The following TBCE variants were observed in gnomAD, a reference collection of about 807,000 sequenced individuals.
TBCE encodes the protein tubulin-specific chaperone E.
Under a neutral mutation model 77.0 loss-of-function variants are expected in TBCE, and 53 were observed. The observed-to-expected ratio is 0.69, with a 90% confidence interval of 0.55 to 0.87. The LOEUF (loss-of-function observed/expected upper bound fraction) is 0.87. Among genes scored for constraint, TBCE ranks in the 40% least tolerant of loss-of-function variants. The pLI, the probability that TBCE is intolerant of heterozygous loss-of-function variation, is 0.00. For synonymous variants in TBCE, 235 were observed against 241.3 expected (o/e 0.97, Z 0.24); for missense variants, 624 against 622.4 (o/e 1.00, Z -0.03).
At chr1:235,371,266 G>A (rs1676935463) in intron 1 of TBCE, among the ~76,000 whole-genome samples, 1 of 151,262 alleles carries the variant, frequency 6.6e-6, no homozygotes, top group South Asian at 2.1e-4. Context: ...ATGTTGGTCA[G>A]GCTGGTCTTG....
At chr1:235,389,850 G>T (rs369541710) in intron 2 of TBCE, among the ~76,000 whole-genome samples, 1 of 152,112 alleles carries the variant, frequency 6.6e-6, no homozygotes, top group African/African-American at 2.4e-5. Flanking sequence ...CAGACTGGGC[G>T]TGGTGGCTCA....
intron 2 of TBCE, among the ~76,000 whole-genome samples, chr1:235,382,523 G>A (rs960240496): frequency 2.4e-4 from 36 of 152,264 alleles, no homozygotes; most frequent in African/African-American, 8.4e-4. Flanking sequence ...GATGTGAGAT[G>A]GTATCTCATT....
chr1:235,410,170 C>CCGGG (rs1246925237), intron 3 of TBCE, among the ~76,000 whole-genome samples: 5 of 143,528 alleles, frequency 3.5e-5, no homozygotes, highest in African/African-American at 8.9e-5. Context: ...TTGCTTCAAC[C>CCGGG]AGGGAGGCTG....
intron 13 of TBCE, among the ~76,000 whole-genome samples, chr1:235,440,171 C>T (rs982092644): frequency 9.9e-5 from 15 of 152,216 alleles, no homozygotes; most frequent in East Asian, 1.9e-4. Context: ...GGGGTTTCAC[C>T]GTGTTAGCCA....
chr1:235,376,198 A>T (rs1194623118), intron 1 of TBCE, among the ~76,000 whole-genome samples: 1 of 152,190 alleles, frequency 6.6e-6, no homozygotes, highest in Non-Finnish European at 1.5e-5. Flanking sequence ...AAGTAGGATC[A>T]AGCATGTGAA....
rs185410098 is a variant in TBCE at position 235,399,962 on chromosome 1, A to G, written c.101-1541A>G. Among the ~76,000 whole-genome samples, 7 of 152,322 alleles carry G rather than the reference A, an allele frequency of 4.6e-5. No individual in the cohort carries two copies. In the East Asian group the frequency reaches 1.4e-3, roughly 29 times the overall value. ...TGCTGATCGTTGTAGTGTGAGGAAT[A>G]GTGTAGCAGAGGAAAGACATGGTTT... On this transcript the variant is annotated intron_variant, in intron 2 of 16. Coordinates refer to ENST00000642610, the MANE Select transcript of TBCE (RefSeq NM_003193.5).
chr1:235,380,259 C>T, intron 2 of TBCE, 110 bp downstream of exon 2: 1 of 1,083,858 alleles, frequency 9.2e-7, no homozygotes, highest in South Asian at 1.3e-5. Context: ...GCACTTTATA[C>T]CACAAATTTT....
chr1:235,417,305 C>CA (rs752689757), intron 4 of TBCE, among the ~76,000 whole-genome samples: 1 of 152,168 alleles, frequency 6.6e-6, no homozygotes, highest in East Asian at 1.9e-4. Context: ...GGACACAGTG[C>CA]AAACTACAGT....
chr1:235,437,129 A>AAAAAC (rs202162200), intron 11 of TBCE, among the ~76,000 whole-genome samples, 193 bp from the exon 12 acceptor site: 17 of 152,080 alleles, frequency 1.1e-4, no homozygotes, highest in African/African-American at 2.9e-4. Flanking sequence ...CTCCATCTCA[A>AAAAAC]AAAACAAAAC....
At chr1:235,405,011 G>C (rs929102397) in intron 3 of TBCE, among the ~76,000 whole-genome samples, 2 of 148,410 alleles carry the variant, frequency 1.3e-5, no homozygotes, top group African/African-American at 5.0e-5. Flanking sequence ...CACCCACGCT[G>C]GAGTGCAGTG....
chr1:235,433,178 C>T (rs1681206448), intron 7 of TBCE: 1 of 1,320,568 alleles, frequency 7.6e-7, no homozygotes. Context: ...ATGGGTGAGT[C>T]AGATGATTCC....
In TBCE at chr1:235,386,167, A is replaced by G. The variant is rs183429066; in HGVS notation, c.100+6018A>G. On this transcript the variant is annotated intron_variant, in intron 2 of 16. Coordinates refer to ENST00000642610, the MANE Select transcript of TBCE (RefSeq NM_003193.5). ...GCTCCCACTCTCTTCTGGCTTGTAG[A>G]GTTTCTGCCAAGAGATCCGCTGTTA... Among the ~76,000 whole-genome samples, 833 of 152,292 alleles carry G rather than the reference A, an allele frequency of 5.5e-3. 8 individuals carry two copies. The highest frequency in any genetic ancestry group is 0.019 in the African/African-American group (809 of 41,552).
At chr1:235,383,430 A>G (rs1263059561) in intron 2 of TBCE, among the ~76,000 whole-genome samples, 5 of 152,058 alleles carry the variant, frequency 3.3e-5, no homozygotes, top group Admixed American at 1.3e-4. Context: ...TCACGATATT[A>G]ATTCTTCCTA....
rs201999801 is a variant in TBCE, at chr1:235,432,873, ATAT to A, written c.661-1324_661-1322del. The A allele has an allele frequency of 6.8e-3, 3,987 of 582,228 alleles. 155 individuals are homozygous for A. The African/African-American group carries it at 0.074, about 11-fold the overall frequency. The allele number at this position is 582,228 out of a possible 1,614,324, so 36.1% of individuals were successfully genotyped here. A position where few individuals can be genotyped will look rare whatever the true frequency, so the allele number is the denominator to read the frequency against. Reference sequence around the variant, plus strand: ...CCTGTAGATGCTATATATATATTATATATTATTATACATAATTATATAATATAT... The same window carrying A: ...CCTGTAGATGCTATATATATATTATATATTATACATAATTATATAATATAT... On this transcript the variant is annotated intron_variant, in intron 7 of 16. Transcript: ENST00000642610.
intron 1 of TBCE, among the ~76,000 whole-genome samples, chr1:235,375,750 TA>T (rs1438880698): frequency 6.6e-6 from 1 of 151,852 alleles, no homozygotes; most frequent in African/African-American, 2.4e-5. Flanking sequence ...TCATCAAAAA[TA>T]CTGACTTGAG....
intron 2 of TBCE, among the ~76,000 whole-genome samples, chr1:235,382,045 A>G (rs1322150279): frequency 2.1e-5 from 3 of 144,682 alleles, no homozygotes; most frequent in Non-Finnish European, 3.0e-5. Context: ...GTTCCCACCT[A>G]TGAGTGAGAA....
intron 4 of TBCE, chr1:235,415,580 T>C (rs1680063814): frequency 6.6e-6 from 1 of 152,172 alleles, no homozygotes; most frequent in Non-Finnish European, 1.5e-5. Flanking sequence ...TTTCAGTCTC[T>C]AAAAGAATTA....
intron 1 of TBCE, among the ~76,000 whole-genome samples, chr1:235,375,845 C>T (rs1677258973): frequency 6.6e-6 from 1 of 151,928 alleles, no homozygotes; most frequent in Non-Finnish European, 1.5e-5. Context: ...GAGTTCGAGA[C>T]CAGCCTGACC....
chr1:235,439,047 A>G, intron 13 of TBCE, 125 bp downstream of exon 13: 1 of 1,351,366 alleles, frequency 7.4e-7, no homozygotes, highest in Non-Finnish European at 1.0e-6. Context: ...GGCTTCTTGT[A>G]TTCATCTGAA....
Sources: gnomAD v4.1 joint callset for allele counts (sites outside exome capture counted in the v4.1 genomes callset) on GRCh38, gnomAD v4.1.1 for gene constraint, MANE v1.5 for transcripts, NCBI Gene and HGNC (gene_info 2026-07-23, HGNC 2026-07-21) for gene names.